PRKCA: variants seen among roughly 807,000 people sequenced by gnomAD.
The protein encoded by PRKCA is protein kinase C alpha.
PRKCA carries 27 observed loss-of-function variants against 87.0 expected under a neutral mutation model. The observed-to-expected ratio is 0.31, with a 90% CI of 0.23 to 0.43. PRKCA has a LOEUF of 0.43. Ranked by LOEUF, PRKCA falls within the 20% of genes least tolerant of loss-of-function variation. The pLI is 1.00. For synonymous variants in PRKCA, 329 were observed against 311.1 expected, an observed-to-expected ratio of 1.06 and a Z score of -0.61; for missense variants, 518 against 852.3, an observed-to-expected ratio of 0.61 and a Z score of 4.88.
chr17:66,744,835 C>A (rs1598912251), intron 13 of PRKCA, among the ~76,000 whole-genome samples: 1 of 152,182 alleles, frequency 6.6e-6, no homozygotes, highest in East Asian at 1.9e-4. Flanking sequence ...TAGGGGAGAA[C>A]CTGTTGCCAT....
chr17:66,637,268 G>A (rs556769496), intron 3 of PRKCA, among the ~76,000 whole-genome samples: 1 of 152,272 alleles, frequency 6.6e-6, no homozygotes, highest in South Asian at 2.1e-4. Flanking sequence ...TGAGGGCTCC[G>A]TGCGAGCTGC....
chr17:66,707,962 G>A (rs1262239466), intron 8 of PRKCA, among the ~76,000 whole-genome samples: 1 of 152,206 alleles, frequency 6.6e-6, no homozygotes, highest in African/African-American at 2.4e-5. Context: ...TAGGCAGCTA[G>A]AACCACAGAG....
At chr17:66,379,760 T>C (rs1909680040) in intron 2 of PRKCA, among the ~76,000 whole-genome samples, 1 of 152,210 alleles carries the variant, frequency 6.6e-6, no homozygotes, top group Non-Finnish European at 1.5e-5. Flanking sequence ...GTCGGTCACT[T>C]ATGCTTTTGG....
intron 8 of PRKCA, among the ~76,000 whole-genome samples, chr17:66,706,590 AT>A (rs1242049206): frequency 4.6e-5 from 7 of 151,706 alleles, no homozygotes; most frequent in African/African-American, 1.7e-4. Context: ...GTGAGCCGAG[AT>A]CACGCCACTG....
chr17:66,576,881 T>TC (rs1048698767), intron 3 of PRKCA, among the ~76,000 whole-genome samples: 4 of 149,362 alleles, frequency 2.7e-5, no homozygotes, highest in African/African-American at 9.8e-5. Context: ...TACTTTTTTT[T>TC]TTTTTTTTTT....
chr17:66,356,683 G>T (rs1908078137), intron 2 of PRKCA, among the ~76,000 whole-genome samples: 1 of 152,188 alleles, frequency 6.6e-6, no homozygotes, highest in Non-Finnish European at 1.5e-5. Context: ...ATCTAAAAGT[G>T]AATGAGACTT....
intron 2 of PRKCA, among the ~76,000 whole-genome samples, chr17:66,467,949 AG>A (rs1472202397): frequency 5.3e-5 from 8 of 152,158 alleles, no homozygotes; most frequent in African/African-American, 1.9e-4. Flanking sequence ...ATGACTAACA[AG>A]TTATCTTTCC....
intron 2 of PRKCA, among the ~76,000 whole-genome samples, chr17:66,394,783 G>C (rs541983458): frequency 2.6e-5 from 4 of 152,078 alleles, no homozygotes; most frequent in Non-Finnish European, 4.4e-5. Flanking sequence ...AGATCTGATG[G>C]TTCTATATAA....
chr17:66,347,941 C>CT lies in PRKCA; in HGVS notation c.205+41833dup, dbSNP rs57292153. Among the ~76,000 whole-genome samples, 287 of 56,450 alleles carry CT rather than the reference C, an allele frequency of 5.1e-3. 21 individuals are homozygous for CT. The highest frequency in any genetic ancestry group is 0.014 in the African/African-American group (245 of 17,646). The allele number at this position is 56,450 out of a possible 152,430, so 37.0% of individuals were successfully genotyped here. A position where few individuals can be genotyped will look rare whatever the true frequency, so the allele number is the denominator to read the frequency against. ...AGAATATTTACTCAGAATTCTGAAC[C>CT]TTTTTTTTTTTTTTTTTTTGAGACA... is the stretch of plus-strand genomic sequence containing the variant. On this transcript the variant is annotated intron_variant, in intron 2 of 16. Transcript: ENST00000413366.
chr17:66,421,588 A>C (rs1912500042), intron 2 of PRKCA, among the ~76,000 whole-genome samples: 1 of 151,752 alleles, frequency 6.6e-6, no homozygotes, highest in Non-Finnish European at 1.5e-5. Context: ...GCTGGAGTAT[A>C]GTGGCACCAT....
chr17:66,792,253 C>T lies in PRKCA; in HGVS notation c.1854+3274C>T, dbSNP rs974844832. On this transcript the variant is annotated intron_variant, in intron 16 of 16. Transcript: ENST00000413366. This position sits in a 1 kb window ranked among gnomAD's most constrained non-coding sequence, Gnocchi z 4.5. ...GCTCCTGGCTCCCATGGAATTAAAC[C>T]TTTGCTTACTACCAAATACCAGTAG... Among the ~76,000 whole-genome samples, 5 of 152,216 alleles carry T rather than the reference C, an allele frequency of 3.3e-5. No homozygotes were observed. The highest frequency in any genetic ancestry group is 7.3e-5 in the Non-Finnish European group (5 of 68,032).
intron 2 of PRKCA, among the ~76,000 whole-genome samples, chr17:66,403,005 A>G (rs561776219): frequency 6.6e-6 from 1 of 152,280 alleles, no homozygotes; most frequent in South Asian, 2.1e-4. Context: ...CCTTTTAGTC[A>G]CATTTATTGA....
intron 13 of PRKCA, among the ~76,000 whole-genome samples, chr17:66,765,418 C>CTATATATATATATATATATATATATA (rs58356468): frequency 6.1e-5 from 3 of 49,306 alleles, no homozygotes; most frequent in Non-Finnish European, 7.8e-5. Flanking sequence ...AAGACTTTGT[C>CTATATATATATATATATATATATATA]TATATATATA....
chr17:66,413,336 CA>C (rs930909464), intron 2 of PRKCA, among the ~76,000 whole-genome samples: 1 of 152,186 alleles, frequency 6.6e-6, no homozygotes, highest in Non-Finnish European at 1.5e-5. Flanking sequence ...GGCATGTAGG[CA>C]GGGGGGTGGA....
intron 3 of PRKCA, among the ~76,000 whole-genome samples, chr17:66,537,438 C>T (rs544488445): frequency 1.6e-4 from 25 of 152,264 alleles, no homozygotes; most frequent in African/African-American, 5.5e-4. Flanking sequence ...GCCAAGTGTT[C>T]TTTGTGATTT....
At position 66,581,420 on chromosome 17, in the gene PRKCA, T is replaced by G. The variant is rs185434791; in HGVS notation, c.289-59935T>G. 8.1e-4 allele frequency among the ~76,000 whole-genome samples: 123 copies of G among 152,342 alleles called. 1 individual carries two copies. The Middle Eastern group carries it at 0.02, about 25-fold the overall frequency. On this transcript the variant is annotated intron_variant, in intron 3 of 16. Transcript: ENST00000413366. The stretch of plus-strand genomic sequence containing the variant: ...GTCACAAAATATTATTCTTCCAACT[T>G]TTTAAACTTGAACCATATTTGAGAG...
At chr17:66,651,115 G>T (rs1454757847) in intron 5 of PRKCA, among the ~76,000 whole-genome samples, 1 of 152,128 alleles carries the variant, frequency 6.6e-6, no homozygotes, top group East Asian at 1.9e-4. Flanking sequence ...GAGCCGGGAG[G>T]ACAGGGAAGG....
At chr17:66,749,755 A>G (rs1207750026) in intron 13 of PRKCA, among the ~76,000 whole-genome samples, 3 of 152,146 alleles carry the variant, frequency 2.0e-5, no homozygotes, top group African/African-American at 7.2e-5. Flanking sequence ...ACACCGCAGG[A>G]GGACAGAGAT....
At chr17:66,377,548 TATA>T (rs1340414567) in intron 2 of PRKCA, among the ~76,000 whole-genome samples, 2 of 147,742 alleles carry the variant, frequency 1.4e-5, no homozygotes, top group African/African-American at 4.9e-5. Context: ...ATTATGTATA[TATA>T]ATGCCTATAT....
Sources: allele counts gnomAD v4.1 joint callset (sites outside exome capture counted in the v4.1 genomes callset), GRCh38; gene constraint gnomAD v4.1.1; non-coding constraint Gnocchi (gnomAD v3.1); transcripts MANE v1.5; gene names NCBI Gene and HGNC (gene_info 2026-07-23, HGNC 2026-07-21).